The following GALNTL6 variants were observed in gnomAD, a reference collection of about 807,000 sequenced individuals.
GALNTL6 encodes polypeptide N-acetylgalactosaminyltransferase-like 6.
Under a neutral mutation model 73.7 loss-of-function variants are expected in GALNTL6, and 46 were observed. That is an observed-to-expected ratio of 0.62 (90% CI 0.49 to 0.80). The LOEUF is 0.80. Among genes scored for constraint, GALNTL6 ranks in the 30% least tolerant of loss-of-function variants. The pLI is 0.00. For synonymous variants in GALNTL6, 259 were observed against 263.7 expected (o/e 0.98, Z 0.17); for missense variants, 604 against 755.0 (o/e 0.80, Z 2.34).
chr4:172,164,362 A>T (rs1734559341), intron 2 of GALNTL6, among the ~76,000 whole-genome samples: 1 of 152,020 alleles, frequency 6.6e-6, no homozygotes, highest in Admixed American at 6.6e-5. Context: ...TCTCAGATAT[A>T]GTCATACTTA....
intron 3 of GALNTL6, among the ~76,000 whole-genome samples, chr4:172,236,573 A>AAG (rs34458941): frequency 6.6e-6 from 1 of 150,840 alleles, no homozygotes; most frequent in African/African-American, 2.4e-5. Context: ...AAAAAAAAAA[A>AAG]GTATATTAGC....
chr4:171,878,523 C>T (rs1736341942), intron 2 of GALNTL6, among the ~76,000 whole-genome samples: 1 of 152,066 alleles, frequency 6.6e-6, no homozygotes, highest in Non-Finnish European at 1.5e-5. Flanking sequence ...ATAAATAGTA[C>T]ATTTCTATTT....
At chr4:172,595,738 G>T (rs1403461360) in intron 5 of GALNTL6, among the ~76,000 whole-genome samples, 1 of 151,928 alleles carries the variant, frequency 6.6e-6, no homozygotes, top group Non-Finnish European at 1.5e-5. Context: ...TATTATCTTG[G>T]ATATAAAAGA....
chr4:172,055,338 C>A (rs1291252316), intron 2 of GALNTL6, among the ~76,000 whole-genome samples: 1 of 152,104 alleles, frequency 6.6e-6, no homozygotes, highest in East Asian at 1.9e-4. Flanking sequence ...TATTCTGGAA[C>A]TAAAAACTCT....
chr4:172,234,633 A>G (rs1737177343), intron 3 of GALNTL6, among the ~76,000 whole-genome samples: 1 of 152,134 alleles, frequency 6.6e-6, no homozygotes, highest in Non-Finnish European at 1.5e-5. Context: ...TGCTTTTCTA[A>G]TGGAAACCAA....
chr4:172,670,610 C>T (rs1218652055), intron 5 of GALNTL6, among the ~76,000 whole-genome samples: 1 of 151,862 alleles, frequency 6.6e-6, no homozygotes, highest in Non-Finnish European at 1.5e-5. Context: ...TGTCTGTTCA[C>T]TTTGCTGATA....
chr4:172,320,950 T>C (rs939483396), intron 4 of GALNTL6, among the ~76,000 whole-genome samples: 5 of 152,198 alleles, frequency 3.3e-5, no homozygotes, highest in South Asian at 2.1e-4. Context: ...GATTTCACTT[T>C]TGGAGGCTTT....
chr4:172,586,517 G>A (rs535442232), intron 5 of GALNTL6, among the ~76,000 whole-genome samples: 26 of 151,774 alleles, frequency 1.7e-4, no homozygotes, highest in Admixed American at 9.2e-4. Flanking sequence ...AAAGCATTAC[G>A]GCATTTCTCA....
chr4:172,576,996 C>A lies in GALNTL6; in HGVS notation c.553+228307C>A, dbSNP rs563757196. 8.5e-5 allele frequency among the ~76,000 whole-genome samples: 13 copies of A among 152,254 alleles called. No individual in the cohort carries two copies. The South Asian group carries it at 2.5e-3, about 29-fold the overall frequency. ...ATTCTGTGTCACAATCTGTCAGACA[C>A]TGGAGTTCATCCTGCCAAACGGTCT... is the stretch of plus-strand genomic sequence containing the variant. On this transcript the variant is annotated intron_variant, in intron 5 of 12. Coordinates refer to ENST00000506823, the MANE Select transcript of GALNTL6 (RefSeq NM_001034845.3).
rs1193342139 is a variant in GALNTL6 at position 172,768,044 on chromosome 4, G to A, written c.554-41317G>A. On this transcript the variant is annotated intron_variant, in intron 5 of 12. Coordinates refer to ENST00000506823, the MANE Select transcript of GALNTL6 (RefSeq NM_001034845.3). ...TTATTCTCACGTTGCACACATACCC[G>A]CCACCAAGGCATTTTTCTCTCTTTC... Among the ~76,000 whole-genome samples, 3 of 152,066 alleles carry A rather than the reference G, an allele frequency of 2.0e-5. 1 individual carries two copies. Among genetic ancestry groups the A allele is most frequent in the South Asian group, 4.1e-4 (2 of 4,822 alleles).
chr4:172,878,969 T>C (rs151011967), intron 7 of GALNTL6, among the ~76,000 whole-genome samples: 1 of 151,888 alleles, frequency 6.6e-6, no homozygotes, highest in African/African-American at 2.4e-5. Context: ...GTGACTATAG[T>C]AATATCAAGA....
intron 8 of GALNTL6, among the ~76,000 whole-genome samples, chr4:172,923,125 G>A (rs1747876587): frequency 6.6e-6 from 1 of 152,180 alleles, no homozygotes; most frequent in Non-Finnish European, 1.5e-5. Context: ...TGACAAGGAG[G>A]GGAAGAGAGT....
chr4:172,498,248 A>G (rs1038891213), intron 5 of GALNTL6, among the ~76,000 whole-genome samples: 3 of 152,000 alleles, frequency 2.0e-5, no homozygotes, highest in Non-Finnish European at 4.4e-5. Context: ...TCAACCTCCC[A>G]AAGTGCTGGG....
chr4:172,558,691 CAT>C (rs1170748980), intron 5 of GALNTL6, among the ~76,000 whole-genome samples: 3 of 152,026 alleles, frequency 2.0e-5, no homozygotes, highest in African/African-American at 7.2e-5. Flanking sequence ...AGCAAACTAA[CAT>C]AGGGAGTATA....
intron 8 of GALNTL6, among the ~76,000 whole-genome samples, chr4:172,889,723 C>G (rs1258251867): frequency 6.6e-6 from 1 of 151,760 alleles, no homozygotes; most frequent in Non-Finnish European, 1.5e-5. Flanking sequence ...TTTCTTTTTT[C>G]ATTGTGTCTT....
At chr4:173,024,789 C>T (rs376157997) in intron 12 of GALNTL6, among the ~76,000 whole-genome samples, 1 of 152,048 alleles carries the variant, frequency 6.6e-6, no homozygotes, top group East Asian at 1.9e-4. Flanking sequence ...ATGTTGACCA[C>T]GCTGGTCTCG....
rs139527500 is a variant in GALNTL6, at chr4:172,159,791, G to A, written c.139-69865G>A. 4.1e-3 allele frequency among the ~76,000 whole-genome samples: 620 copies of A among 152,244 alleles called. 8 individuals are homozygous for A. The highest frequency in any genetic ancestry group is 0.014 in the African/African-American group (589 of 41,554). The stretch of plus-strand genomic sequence containing the variant: ...GAGGAAGTAATATAATCATACATGC[G>A]TTGAAATAAAATCTCCCTAGCTTTT... On this transcript the variant is annotated intron_variant, in intron 2 of 12. Coordinates refer to ENST00000506823, the MANE Select transcript of GALNTL6 (RefSeq NM_001034845.3).
chr4:172,927,540 G>T (rs1237290712), intron 8 of GALNTL6, among the ~76,000 whole-genome samples: 2 of 151,770 alleles, frequency 1.3e-5, no homozygotes, highest in African/African-American at 4.8e-5. Context: ...TTCAAAAAAA[G>T]GCACAGAGGA....
chr4:172,158,186 A>C (rs1734342836), intron 2 of GALNTL6, among the ~76,000 whole-genome samples: 1 of 152,226 alleles, frequency 6.6e-6, no homozygotes, highest in Non-Finnish European at 1.5e-5. Flanking sequence ...TTCCTAGGCA[A>C]TTAAAAATCT....
Sources: allele counts gnomAD v4.1 joint callset (sites outside exome capture counted in the v4.1 genomes callset), GRCh38; gene constraint gnomAD v4.1.1; transcripts MANE v1.5; gene names NCBI Gene and HGNC (gene_info 2026-07-23, HGNC 2026-07-21).